Variants in FBLN7 observed in about 807,000 individuals in gnomAD.
The protein encoded by FBLN7 is fibulin-7.
FBLN7 carries 31 observed loss-of-function variants against 44.0 expected under a neutral mutation model. The observed-to-expected ratio is 0.70, with a 90% CI of 0.53 to 0.95. The LOEUF is 0.95. FBLN7 is among the 40% of genes least tolerant of loss of function. FBLN7 has a pLI of 0.00. For synonymous variants in FBLN7, 262 were observed against 253.4 expected (o/e 1.03, Z -0.32); for missense variants, 573 against 618.5 (o/e 0.93, Z 0.78).
Position 112,172,582 on chromosome 2 carries a change from T to TG in FBLN7, c.407-3129dup, listed in dbSNP as rs537937549. ...GGATCTGTCTCAGTGCCAGCCTTTC[T>TG]GGGTCAGTTTTCTCAGGTATGGAAT... On this transcript the variant is annotated intron_variant, in intron 3 of 7. Coordinates refer to ENST00000331203, the MANE Select transcript of FBLN7 (RefSeq NM_153214.3). 4.6e-5 allele frequency among the ~76,000 whole-genome samples: 7 copies of TG among 152,002 alleles called. No homozygotes were observed. In the East Asian group the frequency reaches 1.4e-3, roughly 29 times the overall value.
chr2:112,175,669 C>T, intron 3 of FBLN7, 45 bp from the exon 4 acceptor site: 17 of 1,609,124 alleles, frequency 1.1e-5, no homozygotes, highest in Non-Finnish European at 1.3e-5. Flanking sequence ...TTGTTTTAGA[C>T]CTAGAACTCA....
At chr2:112,185,420 A>C in intron 7 of FBLN7, 81 bp downstream of exon 7, 1 of 1,538,082 alleles carries the variant, frequency 6.5e-7, no homozygotes, top group Non-Finnish European at 8.8e-7. Context: ...GGTTCTTGGG[A>C]GAAGGTACAG....
rs191281884 is a variant in FBLN7, at chr2:112,180,795, C to T, written c.533-944C>T. Among the ~76,000 whole-genome samples, 706 of 151,706 alleles carry T rather than the reference C, an allele frequency of 4.7e-3. 6 individuals are homozygous for T. Among genetic ancestry groups the T allele is most frequent in the Admixed American group, 0.014 (210 of 15,254 alleles). On this transcript the variant is annotated intron_variant, in intron 4 of 7. Transcript: ENST00000331203. ...AAAATTTGCCCGGTGTGGTGGCGGG[C>T]GCCTGTAGTCCCAGCTACTTAGGAG...
chr2:112,148,181 A>G (rs564412102), intron 1 of FBLN7, among the ~76,000 whole-genome samples: 57 of 152,268 alleles, frequency 3.7e-4, no homozygotes, highest in African/African-American at 1.2e-3. Context: ...ATCAGTGTCA[A>G]TTTAGCTGCC....
At chr2:112,219,937 A>T in the FBLN7 span, among the ~76,000 whole-genome samples, 1 of 152,164 alleles carries the variant, frequency 6.6e-6, no homozygotes, top group African/African-American at 2.4e-5. Context: ...TTGTTGGTTT[A>T]AAGTCTGTTT....
the FBLN7 span, among the ~76,000 whole-genome samples, chr2:112,202,238 C>T: frequency 0.01 from 1,598 of 152,266 alleles, 10 homozygotes; most frequent in Non-Finnish European, 0.016. Context: ...TGTTTACTGT[C>T]TCATTCCTCT....
chr2:112,184,031 A>G (rs1196793478), intron 6 of FBLN7, among the ~76,000 whole-genome samples: 3 of 152,198 alleles, frequency 2.0e-5, no homozygotes, highest in African/African-American at 7.2e-5. Context: ...GAATCTCCAC[A>G]TGAGCTGAGT....
At chr2:112,143,104 C>T (rs553965216) in intron 1 of FBLN7, among the ~76,000 whole-genome samples, 13 of 152,248 alleles carry the variant, frequency 8.5e-5, no homozygotes, top group Non-Finnish European at 1.2e-4. Flanking sequence ...CTCTTGTCAG[C>T]GCATCTGTCC....
chr2:112,222,697 TATATGAG>T, the FBLN7 span, among the ~76,000 whole-genome samples: 1 of 152,238 alleles, frequency 6.6e-6, no homozygotes, highest in Non-Finnish European at 1.5e-5. Flanking sequence ...TGATTTCACT[TATATGAG>T]ATATCTAAAG....
chr2:112,217,821 C>A, the FBLN7 span, among the ~76,000 whole-genome samples: 1 of 152,138 alleles, frequency 6.6e-6, no homozygotes, highest in Non-Finnish European at 1.5e-5. Context: ...CTGTTCATTT[C>A]TGAAAAAGTT....
intron 4 of FBLN7, chr2:112,176,651 G>A (rs899546731): frequency 4.6e-5 from 7 of 152,200 alleles, no homozygotes; most frequent in African/African-American, 1.7e-4. Context: ...GAGATTTGCT[G>A]CTTAATATGC....
intron 1 of FBLN7, among the ~76,000 whole-genome samples, chr2:112,142,868 C>T (rs752835436): frequency 2.0e-5 from 3 of 151,680 alleles, no homozygotes; most frequent in Admixed American, 6.6e-5. Flanking sequence ...CATCTGTCTG[C>T]GTGAGTGATT....
intron 3 of FBLN7, among the ~76,000 whole-genome samples, chr2:112,169,712 A>G (rs1305474536): frequency 1.3e-5 from 2 of 152,160 alleles, no homozygotes; most frequent in African/African-American, 4.8e-5. Flanking sequence ...TCTGGGGTGC[A>G]CAGGCTAAGA....
the FBLN7 span, among the ~76,000 whole-genome samples, chr2:112,242,343 T>C: frequency 6.6e-6 from 1 of 152,224 alleles, no homozygotes; most frequent in African/African-American, 2.4e-5. Flanking sequence ...AGTCCATAAA[T>C]ACAATTTTAT....
chr2:112,202,183 A>T, the FBLN7 span, among the ~76,000 whole-genome samples: 75 of 152,234 alleles, frequency 4.9e-4, 1 homozygote, highest in African/African-American at 1.7e-3. Flanking sequence ...ATTCTTATGA[A>T]CTAGGAGCTT....
At chr2:112,210,863 A>C in the FBLN7 span, among the ~76,000 whole-genome samples, 26 of 152,296 alleles carry the variant, frequency 1.7e-4, no homozygotes, top group Admixed American at 1.6e-3. Context: ...CACATCTAGC[A>C]ACCAGTATTG....
the FBLN7 span, among the ~76,000 whole-genome samples, chr2:112,208,924 T>C: frequency 6.6e-6 from 1 of 152,192 alleles, no homozygotes; most frequent in African/African-American, 2.4e-5. Flanking sequence ...AATGAATGGC[T>C]GATTTCAGAA....
At chr2:112,198,663 GAAA>G in the FBLN7 span, among the ~76,000 whole-genome samples, 1 of 151,470 alleles carries the variant, frequency 6.6e-6, no homozygotes, top group African/African-American at 2.4e-5. Flanking sequence ...AAGAAAGAAA[GAAA>G]GAAACCCAGA....
chr2:112,165,201 C>A (rs920651795), intron 3 of FBLN7, 30 bp downstream of exon 3: 2 of 1,604,908 alleles, frequency 1.2e-6, no homozygotes, highest in African/African-American at 2.7e-5. Context: ...TCCCACTGCG[C>A]TGGACCCATC....
Sources: allele counts gnomAD v4.1 joint callset (sites outside exome capture counted in the v4.1 genomes callset), GRCh38; gene constraint gnomAD v4.1.1; transcripts MANE v1.5; gene names NCBI Gene and HGNC (gene_info 2026-07-23, HGNC 2026-07-21).